The following PTPN14 variants were observed in gnomAD, a reference collection of about 807,000 sequenced individuals.
PTPN14 encodes tyrosine-protein phosphatase non-receptor type 14.
A neutral mutation model predicts 126.8 loss-of-function variants in PTPN14; 53 were observed. The ratio of observed to expected loss-of-function variants is 0.42; its 90% CI spans 0.34 to 0.53. PTPN14 has a LOEUF of 0.53. Among genes scored for constraint, PTPN14 ranks in the 20% least tolerant of loss-of-function variants. The probability of loss-of-function intolerance (pLI) is 0.08; values close to 1 mark genes in which losing one functional copy is unlikely to be tolerated. For synonymous variants in PTPN14, 630 were observed against 599.3 expected (o/e 1.05, Z -0.75); for missense variants, 1,257 against 1,552.9 (o/e 0.81, Z 3.20).
rs937504737 is a variant in PTPN14 at position 214,348,778 on chromosome 1, A to G, written c.*9144T>C. ...AAAAAAAGGTTAGAATAAAGATCTCACATTTGTAAAGGCACATATGAAACA... is the reference window on the plus strand; with the variant it reads ...AAAAAAAGGTTAGAATAAAGATCTCGCATTTGTAAAGGCACATATGAAACA... On this transcript the variant is annotated 3_prime_UTR_variant, in exon 19 of 19. Transcript: ENST00000366956. 6.6e-6 allele frequency: 1 copy of G among 152,228 alleles called. No individual in the cohort carries two copies. The highest frequency in any genetic ancestry group is 2.1e-4 in the South Asian group (1 of 4,834). 9.4% of individuals were successfully genotyped at this position (152,228 alleles called of 1,614,324 possible).
At chr1:214,427,997 G>A (rs1362506621) in intron 3 of PTPN14, among the ~76,000 whole-genome samples, 4 of 152,178 alleles carry the variant, frequency 2.6e-5, no homozygotes, top group Non-Finnish European at 4.4e-5. Flanking sequence ...AAAAGGCCTC[G>A]CAGGGCACGG....
intron 3 of PTPN14, among the ~76,000 whole-genome samples, chr1:214,428,655 T>C (rs1475163385): frequency 2.0e-5 from 3 of 152,186 alleles, no homozygotes; most frequent in African/African-American, 7.2e-5. Flanking sequence ...GAGTCCAGAT[T>C]AAGAATGGCA....
chr1:214,386,373 AG>A (rs1194377478), intron 12 of PTPN14, among the ~76,000 whole-genome samples: 1 of 152,240 alleles, frequency 6.6e-6, no homozygotes, highest in Non-Finnish European at 1.5e-5. Flanking sequence ...AGAAGAAAAA[AG>A]CAAGTGTACC....
At chr1:214,431,196 G>A (rs1055920606) in intron 3 of PTPN14, among the ~76,000 whole-genome samples, 9 of 152,270 alleles carry the variant, frequency 5.9e-5, no homozygotes, top group Middle Eastern at 3.4e-3. Context: ...AAATGCCTCT[G>A]GATGTCTGTC....
At chr1:214,520,764 T>C (rs1655235644) in intron 1 of PTPN14, among the ~76,000 whole-genome samples, 1 of 152,178 alleles carries the variant, frequency 6.6e-6, no homozygotes, top group South Asian at 2.1e-4. Context: ...AGTCTTGTGT[T>C]TAAGTGCCTT....
chr1:214,541,809 T>C (rs1441451634), intron 1 of PTPN14, among the ~76,000 whole-genome samples: 1 of 152,190 alleles, frequency 6.6e-6, no homozygotes, highest in Admixed American at 6.5e-5. Context: ...TCGCTTATTG[T>C]ATTGTGCTGA....
At chr1:214,363,559 G>A (rs553425687) in intron 18 of PTPN14, among the ~76,000 whole-genome samples, 3 of 152,258 alleles carry the variant, frequency 2.0e-5, no homozygotes, top group Admixed American at 6.5e-5. Flanking sequence ...CTTACTCAGC[G>A]TTTGGAGGCA....
rs1341157161 is a variant in PTPN14 at position 214,393,695 on chromosome 1, T to G, written c.929A>C (p.Glu310Ala). 2 of 1,567,246 alleles carry G rather than the reference T, an allele frequency of 1.3e-6. No individual in the cohort carries two copies. Among genetic ancestry groups the G allele is most frequent in the East Asian group, 4.5e-5 (2 of 44,680 alleles). ...KFYKQNKICT[E>A]QSNSPPPIRR... ...CGGGGGGGATTAAATGTTTACTTACTCAGTGCAGATTTTGTTTTGTTTGTA... is the reference window on the plus strand; with the variant it reads ...CGGGGGGGATTAAATGTTTACTTACGCAGTGCAGATTTTGTTTTGTTTGTA... The change falls in exon 10 of 19, where the codon GAA (glutamate) becomes GCA (alanine). Residue 310 changes from glutamate (E) to alanine (A), a missense_variant and splice_region_variant. Around this residue, in one of 3 missense-constraint regions of PTPN14, gnomAD observed 1,021 missense variants for 1,183.3 expected, o/e 0.86. Coordinates refer to ENST00000366956, the MANE Select transcript of PTPN14 (RefSeq NM_005401.5).
intron 1 of PTPN14, among the ~76,000 whole-genome samples, chr1:214,487,847 C>G (rs1661149744): frequency 6.6e-6 from 1 of 152,240 alleles, no homozygotes; most frequent in East Asian, 1.9e-4. Flanking sequence ...TAGATGCTGT[C>G]CATATGATCT....
chr1:214,550,655 C>T (rs1039895742), intron 1 of PTPN14, among the ~76,000 whole-genome samples: 2 of 152,134 alleles, frequency 1.3e-5, no homozygotes, highest in East Asian at 1.9e-4. Context: ...CAAGTAGGAG[C>T]CTCGACGCCC....
chr1:214,422,205 T>G (rs1040795899), intron 3 of PTPN14, among the ~76,000 whole-genome samples: 1 of 152,234 alleles, frequency 6.6e-6, no homozygotes, highest in African/African-American at 2.4e-5. Context: ...CTTGGGAAAC[T>G]TGTCTTTATG....
At chr1:214,358,087 AG>A in intron 18 of PTPN14, 37 bp from the exon 19 acceptor site, 1 of 1,606,198 alleles carries the variant, frequency 6.2e-7, no homozygotes. Flanking sequence ...GTCCTGAGAC[AG>A]GAGGCTTCCC....
intron 1 of PTPN14, among the ~76,000 whole-genome samples, chr1:214,515,669 G>A (rs908995811): frequency 2.6e-5 from 4 of 152,094 alleles, no homozygotes; most frequent in Middle Eastern, 6.8e-3. Flanking sequence ...TGCCTCCTTA[G>A]AGAAATTTGT....
At chr1:214,534,599 G>C (rs1481197300) in intron 1 of PTPN14, among the ~76,000 whole-genome samples, 5 of 152,022 alleles carry the variant, frequency 3.3e-5, no homozygotes, top group African/African-American at 1.2e-4. Flanking sequence ...TGTGGTCCCA[G>C]CTACTTGGGT....
intron 1 of PTPN14, among the ~76,000 whole-genome samples, chr1:214,490,767 G>T (rs1661212029): frequency 6.8e-6 from 1 of 148,094 alleles, no homozygotes; most frequent in Admixed American, 6.8e-5. Context: ...AACCCGGGAG[G>T]TGGAGGTTGC....
At chr1:214,507,070 T>C (rs906807698) in intron 1 of PTPN14, among the ~76,000 whole-genome samples, 9 of 152,218 alleles carry the variant, frequency 5.9e-5, no homozygotes, top group African/African-American at 2.2e-4. Context: ...TTACCAAGAA[T>C]GAGTCATAAA....
chr1:214,383,593 A>C lies in PTPN14; in HGVS notation c.2262T>G (p.Gly754=), dbSNP rs1462480751. 1 of 1,613,308 alleles carries C rather than the reference A, an allele frequency of 6.2e-7. No homozygotes were observed. The highest frequency in any genetic ancestry group is 8.5e-7 in the Non-Finnish European group (1 of 1,179,890). The stretch of plus-strand genomic sequence containing the variant: ...CCCCATTGCTCACACTCTTCCTTGG[A>C]CCGGGGTACTCAGGCGGGGGCTTGT... ...IPNKPPPEYP[G]PRKSVSNGAL... Residue 754 remains glycine (G), a synonymous_variant, in exon 13 of 19, where the codon GGT becomes GGG. Coordinates refer to ENST00000366956, the MANE Select transcript of PTPN14 (RefSeq NM_005401.5). This position sits in a 1 kb window ranked among gnomAD's most constrained non-coding sequence, Gnocchi z 4.4.
chr1:214,478,594 A>G (rs1660917229), intron 1 of PTPN14, among the ~76,000 whole-genome samples: 1 of 152,212 alleles, frequency 6.6e-6, no homozygotes, highest in South Asian at 2.1e-4. Flanking sequence ...TGTCCCTCCT[A>G]AATACTATAT....
At chr1:214,488,246 TTC>T (rs1661158195) in intron 1 of PTPN14, among the ~76,000 whole-genome samples, 1 of 152,244 alleles carries the variant, frequency 6.6e-6, no homozygotes, top group Non-Finnish European at 1.5e-5. Context: ...AAGATTATGT[TTC>T]ACAGTAATTT....
Sources: allele counts gnomAD v4.1 joint callset (sites outside exome capture counted in the v4.1 genomes callset), GRCh38; gene constraint gnomAD v4.1.1; regional missense constraint gnomAD v4.1.1; non-coding constraint Gnocchi (gnomAD v3.1); transcripts MANE v1.5; gene names NCBI Gene and HGNC (gene_info 2026-07-23, HGNC 2026-07-21).